Variants in STK39 observed in about 807,000 individuals in gnomAD.
The protein encoded by STK39 is serine/threonine kinase 39, also known as STE20/SPS1-related proline-alanine-rich protein kinase.
In STK39, 20 loss-of-function variants were observed where a neutral mutation model predicts 77.8. That is an observed-to-expected ratio of 0.26 (90% CI 0.18 to 0.37). STK39 has a LOEUF of 0.37. Ranked by LOEUF, STK39 falls within the 10% of genes least tolerant of loss-of-function variation. STK39 has a pLI of 1.00. For missense variants in STK39, 479 were observed against 656.5 expected (o/e 0.73, Z 2.95); for synonymous variants, 246 against 234.1 (o/e 1.05, Z -0.47).
In STK39 at chr2:168,037,679, A is replaced by C. The variant is rs547625453; in HGVS notation, c.1377-20584T>G. 1.4e-4 allele frequency among the ~76,000 whole-genome samples: 22 copies of C among 152,340 alleles called. 1 individual carries two copies. The highest frequency in any genetic ancestry group is 4.8e-4 in the African/African-American group (20 of 41,582). ...ACCATAAGATGCAATCTTAAGTGTAAACAGCATGGCACAAAACTGCACATA... is the reference window on the plus strand; with the variant it reads ...ACCATAAGATGCAATCTTAAGTGTACACAGCATGGCACAAAACTGCACATA... On this transcript the variant is annotated intron_variant, in intron 14 of 17. Coordinates refer to ENST00000355999, the MANE Select transcript of STK39 (RefSeq NM_013233.3).
chr2:168,221,808 A>C (rs41466544), intron 1 of STK39, among the ~76,000 whole-genome samples: 19,191 of 151,628 alleles, frequency 0.13, 2,151 homozygotes, highest in African/African-American at 0.26. Flanking sequence ...GGGGCGCAAC[A>C]AAGACCGAAT....
chr2:168,058,575 G>A (rs769550609), intron 14 of STK39, among the ~76,000 whole-genome samples: 1 of 152,114 alleles, frequency 6.6e-6, no homozygotes, highest in African/African-American at 2.4e-5. Flanking sequence ...GACAACTCAC[G>A]CTTAACATGT....
intron 2 of STK39, among the ~76,000 whole-genome samples, chr2:168,178,990 C>G (rs10221685): frequency 0.27 from 41,580 of 151,858 alleles, 6,525 homozygotes; most frequent in East Asian, 0.56. Context: ...AGCTGGGAGT[C>G]GGGGTCAGGA....
chr2:168,094,444 CT>C (rs1686608703), intron 10 of STK39, among the ~76,000 whole-genome samples: 1 of 152,174 alleles, frequency 6.6e-6, no homozygotes. Flanking sequence ...GTGTGTCTTC[CT>C]GCCCTTTACA....
intron 10 of STK39, among the ~76,000 whole-genome samples, chr2:168,085,579 T>C (rs750518452): frequency 6.6e-5 from 10 of 152,250 alleles, no homozygotes; most frequent in Non-Finnish European, 1.3e-4. Flanking sequence ...ATTTTGAGCC[T>C]AAGCCTGGAG....
chr2:168,180,598 G>A (rs1418899115), intron 2 of STK39, among the ~76,000 whole-genome samples: 1 of 152,074 alleles, frequency 6.6e-6, no homozygotes, highest in African/African-American at 2.4e-5. Flanking sequence ...GCAGAAGCAG[G>A]ACCCAACTCT....
chr2:168,079,165 G>A (rs1686161016), intron 10 of STK39, among the ~76,000 whole-genome samples: 1 of 152,106 alleles, frequency 6.6e-6, no homozygotes, highest in Admixed American at 6.5e-5. Flanking sequence ...ATATTTTACT[G>A]TCTCCATAGT....
At chr2:168,141,048 G>A (rs1687968645) in intron 5 of STK39, among the ~76,000 whole-genome samples, 1 of 152,142 alleles carries the variant, frequency 6.6e-6, no homozygotes, top group Non-Finnish European at 1.5e-5. Context: ...ATAAAGATAA[G>A]ATATATAAAG....
intron 12 of STK39, among the ~76,000 whole-genome samples, chr2:168,066,947 C>T (rs556057476): frequency 5.3e-5 from 8 of 152,204 alleles, no homozygotes; most frequent in South Asian, 2.1e-4. Context: ...CAGCTGGGCA[C>T]GGTGGCTCAT....
chr2:168,075,980 C>G (rs957827930), intron 10 of STK39, among the ~76,000 whole-genome samples: 6 of 152,096 alleles, frequency 3.9e-5, no homozygotes, highest in Admixed American at 3.9e-4. Flanking sequence ...CAAGCTTTCC[C>G]AAATGTCTTT....
At chr2:167,962,909 A>C (rs1692031675) in intron 17 of STK39, among the ~76,000 whole-genome samples, 1 of 152,126 alleles carries the variant, frequency 6.6e-6, no homozygotes. Context: ...AGCGAGCCCG[A>C]GGTTCCCGAG....
At chr2:168,173,068 G>A (rs1688867860) in intron 2 of STK39, among the ~76,000 whole-genome samples, 1 of 152,146 alleles carries the variant, frequency 6.6e-6, no homozygotes, top group Admixed American at 6.6e-5. Flanking sequence ...ACCCCTACTT[G>A]CGAGCTAAGT....
At chr2:167,969,293 CAG>C (rs1188725142) in intron 16 of STK39, among the ~76,000 whole-genome samples, 2 of 152,186 alleles carry the variant, frequency 1.3e-5, no homozygotes, top group East Asian at 1.9e-4. Flanking sequence ...TAATACTCAC[CAG>C]AGTTACTGGA....
chr2:168,193,057 A>G (rs1346411209), intron 1 of STK39, among the ~76,000 whole-genome samples: 4 of 152,308 alleles, frequency 2.6e-5, no homozygotes, highest in East Asian at 1.9e-4. Context: ...CCCACTTCTC[A>G]GGTAATTAAA....
intron 1 of STK39, among the ~76,000 whole-genome samples, chr2:168,197,637 A>G (rs1689505209): frequency 6.6e-6 from 1 of 152,254 alleles, no homozygotes; most frequent in African/African-American, 2.4e-5. Flanking sequence ...TGTTACGTAT[A>G]ACTAAAAAAT....
intron 16 of STK39, among the ~76,000 whole-genome samples, chr2:167,987,175 C>A (rs1012682108): frequency 6.6e-6 from 1 of 152,154 alleles, no homozygotes; most frequent in Non-Finnish European, 1.5e-5. Flanking sequence ...AGACTGGGCA[C>A]GAGCAAAGAC....
chr2:168,086,545 C>T (rs917971459), intron 10 of STK39, among the ~76,000 whole-genome samples: 1 of 151,146 alleles, frequency 6.6e-6, no homozygotes, highest in Non-Finnish European at 1.5e-5. Context: ...AGGAATAGAA[C>T]AAAAGAATGA....
At chr2:167,964,061 T>C (rs1275209814) in intron 17 of STK39, among the ~76,000 whole-genome samples, 2 of 152,220 alleles carry the variant, frequency 1.3e-5, no homozygotes, top group African/African-American at 4.8e-5. Flanking sequence ...CCCCAGAATG[T>C]CCGGCACTCT....
At chr2:168,196,890 T>A (rs1689483397) in intron 1 of STK39, among the ~76,000 whole-genome samples, 1 of 152,076 alleles carries the variant, frequency 6.6e-6, no homozygotes, top group South Asian at 2.1e-4. Context: ...AGAGGCGGTG[T>A]GGCTGGTGCT....
Sources: allele counts gnomAD v4.1 joint callset (sites outside exome capture counted in the v4.1 genomes callset), GRCh38; gene constraint gnomAD v4.1.1; transcripts MANE v1.5; gene names NCBI Gene and HGNC (gene_info 2026-07-23, HGNC 2026-07-21).